Variants in DLGAP1 observed in about 807,000 individuals in gnomAD.
DLGAP1 encodes the protein disks large-associated protein 1.
A neutral mutation model predicts 90.8 loss-of-function variants in DLGAP1; 11 were observed. That is an observed-to-expected ratio of 0.12 (90% confidence interval 0.08 to 0.20). The LOEUF is 0.20. Ranked by LOEUF, DLGAP1 falls within the 10% of genes least tolerant of loss-of-function variation. The pLI is 1.00. For synonymous variants in DLGAP1, 558 were observed against 540.7 expected, an observed-to-expected ratio of 1.03 and a Z score of -0.44; for missense variants, 1,050 against 1,333.8, an observed-to-expected ratio of 0.79 and a Z score of 3.31.
At chr18:3,523,236 G>C (rs1277469500) in intron 10 of DLGAP1, among the ~76,000 whole-genome samples, 1 of 151,854 alleles carries the variant, frequency 6.6e-6, no homozygotes, top group Non-Finnish European at 1.5e-5. Context: ...ATTTAGCCGG[G>C]CATGGTGGTG....
intron 1 of DLGAP1, among the ~76,000 whole-genome samples, chr18:4,209,455 A>C (rs761587224): frequency 7.9e-5 from 12 of 152,218 alleles, no homozygotes; most frequent in Non-Finnish European, 1.8e-4. Context: ...TTAGTGTTTC[A>C]AAATACTCAT....
intron 7 of DLGAP1, among the ~76,000 whole-genome samples, chr18:3,628,944 C>T (rs1425702997): frequency 6.6e-6 from 1 of 152,058 alleles, no homozygotes; most frequent in Non-Finnish European, 1.5e-5. Context: ...CATGAATATT[C>T]CTGTCCTGTA....
At chr18:3,894,196 C>T (rs934164223) in intron 3 of DLGAP1, among the ~76,000 whole-genome samples, 7 of 152,118 alleles carry the variant, frequency 4.6e-5, no homozygotes, top group African/African-American at 1.7e-4. Flanking sequence ...TTTTGCTGTA[C>T]AGAAGCTTTT....
At chr18:4,288,637 G>A (rs1306204954) in intron 1 of DLGAP1, among the ~76,000 whole-genome samples, 1 of 152,036 alleles carries the variant, frequency 6.6e-6, no homozygotes. Flanking sequence ...TTCATGTGTT[G>A]CACAGCTCTC....
rs545251539 is a variant in DLGAP1, at chr18:4,397,219, T to C, written c.-267+57787A>G. ...GTGTAGCATGTATAACAAGTTGTTG[T>C]AGTCACTATTACTAGTACCAGTTTC... On this transcript the variant is annotated intron_variant, in intron 1 of 12. Coordinates refer to ENST00000315677, the MANE Select transcript of DLGAP1 (RefSeq NM_004746.4). Among the ~76,000 whole-genome samples the C allele has an allele frequency of 1.0e-4, 16 of 152,386 alleles. No homozygotes were observed. In the South Asian group the frequency reaches 3.3e-3, roughly 32 times the overall value.
At chr18:3,898,916 AAGT>A (rs1282963836) in intron 3 of DLGAP1, among the ~76,000 whole-genome samples, 1 of 152,184 alleles carries the variant, frequency 6.6e-6, no homozygotes, top group Admixed American at 6.5e-5. Context: ...ATTTAAAGTA[AAGT>A]AAAGTAAAGT....
At chr18:4,437,418 T>A (rs966089302) in intron 1 of DLGAP1, among the ~76,000 whole-genome samples, 1 of 152,240 alleles carries the variant, frequency 6.6e-6, no homozygotes, top group African/African-American at 2.4e-5. Flanking sequence ...AACTCGAGGA[T>A]GCCCAAGTCT....
intron 7 of DLGAP1, among the ~76,000 whole-genome samples, chr18:3,685,563 CAAAAAAAAAAAAAAAAAAA>C (rs59737533): frequency 1.3e-5 from 1 of 76,606 alleles, no homozygotes; most frequent in Non-Finnish European, 2.5e-5. Flanking sequence ...GATTCCGTCT[CAAAAAAAAAAAAAAAAAAA>C]AAAAAAAAAT....
chr18:3,767,958 C>T (rs909377566), intron 5 of DLGAP1, among the ~76,000 whole-genome samples: 1 of 152,024 alleles, frequency 6.6e-6, no homozygotes, highest in African/African-American at 2.4e-5. Flanking sequence ...TGGAAAGGAA[C>T]CTAGTTCACC....
At position 4,223,437 on chromosome 18, in the gene DLGAP1, C is replaced by T. The variant is rs74391655; in HGVS notation, c.-266-72150G>A. 6.3e-3 allele frequency among the ~76,000 whole-genome samples: 953 copies of T among 152,190 alleles called. 8 individuals are homozygous for T. The highest frequency in any genetic ancestry group is 0.021 in the African/African-American group (889 of 41,522). ...CAATTATGTACCAAAATAGTTGCAG[C>T]CTTTTATATAGCACTTTGAGGTATC... On this transcript the variant is annotated intron_variant, in intron 1 of 12. Transcript: ENST00000315677.
At chr18:4,375,663 CT>C (rs1287231521) in intron 1 of DLGAP1, among the ~76,000 whole-genome samples, 1 of 152,148 alleles carries the variant, frequency 6.6e-6, no homozygotes, top group African/African-American at 2.4e-5. Context: ...TGTTATTTCA[CT>C]CTCATCACTG....
intron 1 of DLGAP1, among the ~76,000 whole-genome samples, chr18:4,251,773 C>A (rs567674523): frequency 6.6e-6 from 1 of 152,362 alleles, no homozygotes; most frequent in Admixed American, 6.5e-5. Context: ...GAACGCACAA[C>A]TGTGCTACCC....
chr18:3,570,429 C>T (rs2054705692), intron 8 of DLGAP1, among the ~76,000 whole-genome samples: 1 of 151,736 alleles, frequency 6.6e-6, no homozygotes, highest in Non-Finnish European at 1.5e-5. Flanking sequence ...TAGGTGTGTG[C>T]CACCATGCCT....
At chr18:3,563,808 A>C (rs1220413614) in intron 9 of DLGAP1, among the ~76,000 whole-genome samples, 1 of 151,992 alleles carries the variant, frequency 6.6e-6, no homozygotes, top group Non-Finnish European at 1.5e-5. Flanking sequence ...TTTGCTTTTC[A>C]GTTTTGGAAG....
chr18:4,012,993 C>T (rs1361722451), intron 2 of DLGAP1, among the ~76,000 whole-genome samples: 1 of 152,166 alleles, frequency 6.6e-6, no homozygotes, highest in Non-Finnish European at 1.5e-5. Flanking sequence ...GTGTGAGCCA[C>T]CGGTCCCGGC....
chr18:3,611,757 C>G (rs2057643428), intron 7 of DLGAP1, among the ~76,000 whole-genome samples: 1 of 152,114 alleles, frequency 6.6e-6, no homozygotes, highest in African/African-American at 2.4e-5. Flanking sequence ...AAAGGAAACC[C>G]CAAAGAAAAT....
intron 3 of DLGAP1, among the ~76,000 whole-genome samples, chr18:3,912,176 C>T (rs1235571096): frequency 6.6e-6 from 1 of 152,172 alleles, no homozygotes; most frequent in East Asian, 1.9e-4. Context: ...GATATCTAAA[C>T]TTTAATAAAC....
chr18:4,003,994 A>G (rs2074250415), intron 3 of DLGAP1, among the ~76,000 whole-genome samples: 2 of 152,158 alleles, frequency 1.3e-5, no homozygotes, highest in South Asian at 4.1e-4. Flanking sequence ...AATATTCAGG[A>G]TAATTTCTGA....
rs1555629230 is a variant in DLGAP1 at position 3,688,666 on chromosome 18, C to CAA, written c.1591+40468_1591+40469insTT. On this transcript the variant is annotated intron_variant, in intron 7 of 12. Transcript: ENST00000315677. ...ACACACACACACACACACACACACA[C>CAA]ACCCTACCAAAAATAAGAAACAAAA... Among the ~76,000 whole-genome samples, 176 of 36,510 alleles carry CAA rather than the reference C, an allele frequency of 4.8e-3. 6 individuals carry two copies. In the Middle Eastern group the frequency reaches 0.051, roughly 11 times the overall value. The allele number at this position is 36,510 out of a possible 152,430, so 24.0% of individuals were successfully genotyped here. A position where few individuals can be genotyped will look rare whatever the true frequency, so the allele number is the denominator to read the frequency against.
Sources: gnomAD v4.1 joint callset for allele counts (sites outside exome capture counted in the v4.1 genomes callset) on GRCh38, gnomAD v4.1.1 for gene constraint, MANE v1.5 for transcripts, NCBI Gene and HGNC (gene_info 2026-07-23, HGNC 2026-07-21) for gene names.